The following DCC variants were observed in gnomAD, a reference collection of about 807,000 sequenced individuals.
DCC encodes DCC netrin 1 receptor, also known as netrin receptor DCC.
Under a neutral mutation model 172.5 loss-of-function variants are expected in DCC, and 58 were observed. The observed-to-expected ratio is 0.34, with a 90% CI of 0.27 to 0.42. The LOEUF (loss-of-function observed/expected upper bound fraction) is 0.42, where lower values mean the gene tolerates loss of function less well. Among genes scored for constraint, DCC ranks in the 10% least tolerant of loss-of-function variants. The pLI, the probability that DCC is intolerant of heterozygous loss-of-function variation, is 1.00. For missense variants in DCC, 1,740 were observed against 1,791.0 expected, an observed-to-expected ratio of 0.97 and a Z score of 0.51; for synonymous variants, 709 against 644.5, an observed-to-expected ratio of 1.10 and a Z score of -1.52.
chr18:52,724,270 C>A (rs1208613912), intron 1 of DCC, among the ~76,000 whole-genome samples: 1 of 152,138 alleles, frequency 6.6e-6, no homozygotes, highest in African/African-American at 2.4e-5. Context: ...CCTCAGCCTC[C>A]TTAGTAGCTG....
intron 12 of DCC, among the ~76,000 whole-genome samples, chr18:53,301,773 C>T (rs1382897553): frequency 6.6e-6 from 1 of 152,100 alleles, no homozygotes; most frequent in Non-Finnish European, 1.5e-5. Flanking sequence ...ATTTTCTTCT[C>T]CAATCTTTTC....
chr18:53,062,589 G>A (rs1341963714), intron 5 of DCC, among the ~76,000 whole-genome samples: 1 of 152,068 alleles, frequency 6.6e-6, no homozygotes, highest in Non-Finnish European at 1.5e-5. Context: ...CTAAGCCTGA[G>A]CCAAGTCATT....
At chr18:52,871,287 T>C (rs911119177) in intron 2 of DCC, among the ~76,000 whole-genome samples, 2 of 151,110 alleles carry the variant, frequency 1.3e-5, no homozygotes, top group African/African-American at 4.9e-5. Flanking sequence ...AGTCAACCTC[T>C]CAGTGACATA....
intron 7 of DCC, among the ~76,000 whole-genome samples, chr18:53,148,451 A>G (rs1299014247): frequency 6.6e-6 from 1 of 152,168 alleles, no homozygotes; most frequent in East Asian, 1.9e-4. Flanking sequence ...CTGGGAATTC[A>G]ATGACATAAA....
At chr18:53,417,980 A>G (rs952524237) in intron 21 of DCC, among the ~76,000 whole-genome samples, 2 of 152,160 alleles carry the variant, frequency 1.3e-5, no homozygotes, top group African/African-American at 4.8e-5. Flanking sequence ...CACATCTACA[A>G]TAAATCAGGC....
chr18:52,582,042 A>T (rs1449566494), intron 1 of DCC, among the ~76,000 whole-genome samples: 1 of 147,966 alleles, frequency 6.8e-6, no homozygotes, highest in Non-Finnish European at 1.5e-5. Flanking sequence ...GTCCATCAGG[A>T]TAATGCACTG....
At chr18:52,936,485 G>T (rs2040383276) in intron 5 of DCC, among the ~76,000 whole-genome samples, 1 of 121,760 alleles carries the variant, frequency 8.2e-6, no homozygotes, top group Non-Finnish European at 1.9e-5. Flanking sequence ...AGAAAATAAT[G>T]TGAGCATTGC....
intron 1 of DCC, among the ~76,000 whole-genome samples, chr18:52,559,280 T>A (rs1354436987): frequency 6.6e-6 from 1 of 152,088 alleles, no homozygotes; most frequent in East Asian, 1.9e-4. Context: ...TGTGGCTAAA[T>A]TTTTGTATTT....
intron 8 of DCC, among the ~76,000 whole-genome samples, chr18:53,159,587 G>A (rs2054801553): frequency 6.6e-6 from 1 of 152,084 alleles, no homozygotes; most frequent in Non-Finnish European, 1.5e-5. Context: ...CAATAAAACT[G>A]CTATACAAAT....
intron 1 of DCC, among the ~76,000 whole-genome samples, chr18:52,745,378 A>C (rs953098074): frequency 3.9e-5 from 6 of 152,256 alleles, no homozygotes; most frequent in African/African-American, 1.4e-4. Context: ...CTAGAGTTTT[A>C]GTTAACGTGA....
chr18:52,567,246 TC>T (rs2033181118), intron 1 of DCC, among the ~76,000 whole-genome samples: 1 of 152,158 alleles, frequency 6.6e-6, no homozygotes, highest in African/African-American at 2.4e-5. Flanking sequence ...ATATGGTCAT[TC>T]AAATATTCAT....
At chr18:52,598,355 A>G (rs745871374) in intron 1 of DCC, among the ~76,000 whole-genome samples, 1 of 152,196 alleles carries the variant, frequency 6.6e-6, no homozygotes, top group Non-Finnish European at 1.5e-5. Flanking sequence ...TTTCTGATGT[A>G]AGTGAGATAT....
At position 53,424,689 on chromosome 18, in the gene DCC, G is replaced by C. The variant is rs1180969362; in HGVS notation, c.3163+8533G>C. On this transcript the variant is annotated intron_variant, in intron 21 of 28. Coordinates refer to ENST00000442544, the MANE Select transcript of DCC (RefSeq NM_005215.4). Reference sequence around the variant, plus strand: ...TGTAGAGAAATTCTAGGATGGAAAAGTTAGGAAGCCAAGATGCTGGGAAAA... The same window carrying C: ...TGTAGAGAAATTCTAGGATGGAAAACTTAGGAAGCCAAGATGCTGGGAAAA... 3.9e-5 allele frequency among the ~76,000 whole-genome samples: 6 copies of C among 152,268 alleles called. No individual in the cohort carries two copies. In the South Asian group the frequency reaches 1.2e-3, roughly 32 times the overall value.
At chr18:52,818,304 C>G (rs1041334404) in intron 2 of DCC, 1 of 151,242 alleles carries the variant, frequency 6.6e-6, no homozygotes. Context: ...CCCAGCTACT[C>G]GGGAGGCTGA....
At chr18:53,164,054 G>A (rs939849519) in intron 8 of DCC, among the ~76,000 whole-genome samples, 1 of 152,140 alleles carries the variant, frequency 6.6e-6, no homozygotes, top group African/African-American at 2.4e-5. Context: ...TCCAAAGCAG[G>A]CACTCTCAAT....
At position 53,289,857 on chromosome 18, in the gene DCC, G is replaced by T. The variant is rs114273492; in HGVS notation, c.1912-15721G>T. Reference sequence around the variant, plus strand: ...CAAGTATAGACTGGGATAAAGGAAAGAAATTTAGGAGAAAACTACTTCAAA... The same window carrying T: ...CAAGTATAGACTGGGATAAAGGAAATAAATTTAGGAGAAAACTACTTCAAA... On this transcript the variant is annotated intron_variant, in intron 12 of 28. Transcript: ENST00000442544. 2.5e-3 allele frequency among the ~76,000 whole-genome samples: 375 copies of T among 152,174 alleles called. 2 individuals are homozygous for T. The highest frequency in any genetic ancestry group is 8.6e-3 in the African/African-American group (357 of 41,528).
chr18:53,364,564 C>G (rs1441793934), intron 15 of DCC, among the ~76,000 whole-genome samples: 8 of 151,916 alleles, frequency 5.3e-5, no homozygotes, highest in African/African-American at 1.7e-4. Context: ...AAATTACAAC[C>G]TTCATCGACC....
chr18:52,798,048 G>A (rs986382571), intron 2 of DCC, among the ~76,000 whole-genome samples: 3 of 149,914 alleles, frequency 2.0e-5, no homozygotes, highest in African/African-American at 7.3e-5. Flanking sequence ...TTGCTTGCAC[G>A]AAGGTTGCTT....
At chr18:52,711,167 A>ATTTG (rs1283657576) in intron 1 of DCC, among the ~76,000 whole-genome samples, 3 of 152,038 alleles carry the variant, frequency 2.0e-5, no homozygotes, top group Non-Finnish European at 4.4e-5. Context: ...TTATTTATTT[A>ATTTG]TTTGTTTATT....
Sources: allele counts gnomAD v4.1 joint callset (sites outside exome capture counted in the v4.1 genomes callset), GRCh38; gene constraint gnomAD v4.1.1; transcripts MANE v1.5; gene names NCBI Gene and HGNC (gene_info 2026-07-23, HGNC 2026-07-21).